GALNT1: variants seen among roughly 807,000 people sequenced by gnomAD.
The protein encoded by GALNT1 is polypeptide N-acetylgalactosaminyltransferase 1.
In GALNT1, 17 loss-of-function variants were observed where a neutral mutation model predicts 65.7. The ratio of observed to expected loss-of-function variants is 0.26; its 90% CI spans 0.18 to 0.39. The LOEUF (loss-of-function observed/expected upper bound fraction) is 0.39, where lower values mean the gene tolerates loss of function less well. GALNT1 is among the 10% of genes least tolerant of loss of function. GALNT1 has a pLI of 1.00. For synonymous variants in GALNT1, 210 were observed against 219.7 expected (o/e 0.96, Z 0.39); for missense variants, 460 against 672.8 (o/e 0.68, Z 3.50).
chr18:35,632,716 A>C (rs1244975472), intron 1 of GALNT1, among the ~76,000 whole-genome samples: 2 of 152,216 alleles, frequency 1.3e-5, no homozygotes, highest in Non-Finnish European at 2.9e-5. Context: ...TCATTAAACT[A>C]AAGAGCTTCT....
At chr18:35,630,223 T>C (rs1413351609) in intron 1 of GALNT1, among the ~76,000 whole-genome samples, 7 of 151,948 alleles carry the variant, frequency 4.6e-5, no homozygotes, top group Admixed American at 6.6e-5. Flanking sequence ...TCTACAAAAC[T>C]CTCCACCCCA....
At chr18:35,674,799 C>T (rs540563722) in intron 3 of GALNT1, among the ~76,000 whole-genome samples, 2 of 151,910 alleles carry the variant, frequency 1.3e-5, no homozygotes, top group South Asian at 4.2e-4. Context: ...CTGGCTAACA[C>T]GGTGAAACCC....
intron 5 of GALNT1, among the ~76,000 whole-genome samples, chr18:35,686,755 T>C (rs756640404): frequency 6.6e-5 from 10 of 152,110 alleles, no homozygotes; most frequent in Non-Finnish European, 1.2e-4. Context: ...ATTTTTTTAA[T>C]TAGTTGAGTG....
chr18:35,601,664 T>C lies in GALNT1; in HGVS notation c.-104+19802T>C, dbSNP rs185958952. On this transcript the variant is annotated intron_variant, in intron 1 of 11. Transcript: ENST00000269195. ...TCACGGTCAGAAAAGATACTTGATA[T>C]AATTTTGACAGATTTGAATTTGTTG... 1.5e-4 allele frequency among the ~76,000 whole-genome samples: 23 copies of C among 152,354 alleles called. No homozygotes were observed. In the East Asian group the frequency reaches 4.4e-3, roughly 29 times the overall value.
chr18:35,637,598 A>G (rs1162722782), intron 1 of GALNT1, among the ~76,000 whole-genome samples: 1 of 152,238 alleles, frequency 6.6e-6, no homozygotes, highest in Non-Finnish European at 1.5e-5. Context: ...TTAAGGAAAC[A>G]AGCCATCTCC....
Position 35,661,315 on chromosome 18 carries a change from A to G in GALNT1, c.140-2313A>G, listed in dbSNP as rs564204041. The stretch of plus-strand genomic sequence containing the variant: ...GAAGTTCAAGACCAGCCTGGCCAAC[A>G]TGGTGAAACCCCATTTCTACTGAAA... On this transcript the variant is annotated intron_variant, in intron 2 of 11. Transcript: ENST00000269195. Among the ~76,000 whole-genome samples the G allele has an allele frequency of 7.9e-5, 12 of 152,228 alleles. No individual in the cohort carries two copies. The South Asian group carries it at 2.5e-3, about 32-fold the overall frequency.
intron 1 of GALNT1, among the ~76,000 whole-genome samples, chr18:35,633,993 A>G (rs2047056644): frequency 6.6e-6 from 1 of 152,148 alleles, no homozygotes; most frequent in Admixed American, 6.5e-5. Flanking sequence ...ACAGGATGAA[A>G]GTTTGTCTGT....
chr18:35,701,306 G>A (rs2048159548), intron 9 of GALNT1, among the ~76,000 whole-genome samples: 1 of 152,152 alleles, frequency 6.6e-6, no homozygotes, highest in Admixed American at 6.5e-5. Context: ...AGGCTCAGGC[G>A]ATCCTACTGT....
chr18:35,625,118 A>G (rs563422220), intron 1 of GALNT1, among the ~76,000 whole-genome samples: 1 of 152,340 alleles, frequency 6.6e-6, no homozygotes, highest in African/African-American at 2.4e-5. Flanking sequence ...CTCTCTTCAG[A>G]CATTTCATAA....
At chr18:35,619,490 T>C (rs1652542759) in intron 1 of GALNT1, among the ~76,000 whole-genome samples, 1 of 152,118 alleles carries the variant, frequency 6.6e-6, no homozygotes, top group South Asian at 2.1e-4. Context: ...GATCCAGTTA[T>C]ACAGGAGGAA....
intron 1 of GALNT1, among the ~76,000 whole-genome samples, chr18:35,631,275 A>G (rs2047004418): frequency 6.6e-6 from 1 of 152,218 alleles, no homozygotes; most frequent in Non-Finnish European, 1.5e-5. Flanking sequence ...TTAGACCAAT[A>G]TCCCTGATGA....
At chr18:35,593,848 A>G (rs540212133) in intron 1 of GALNT1, among the ~76,000 whole-genome samples, 101 of 152,036 alleles carry the variant, frequency 6.6e-4, no homozygotes, top group Non-Finnish European at 9.7e-4. Context: ...AGCTGGGACT[A>G]CAGGCACGTG....
Position 35,606,827 on chromosome 18 carries a change from G to C in GALNT1, c.-104+24965G>C, listed in dbSNP as rs1236085339. Among the ~76,000 whole-genome samples the C allele has an allele frequency of 2.0e-4, 8 of 40,958 alleles. No individual in the cohort carries two copies. In the East Asian group the frequency reaches 2.7e-3, roughly 14 times the overall value. 26.9% of individuals were successfully genotyped at this position (40,958 alleles called of 152,430 possible). ...AGATCTCTTTGTTGATGTTTTGTGT[G>C]TGTGTGTGTGTGTGTGTGTGTGTGT... On this transcript the variant is annotated intron_variant, in intron 1 of 11. Transcript: ENST00000269195.
At chr18:35,634,200 A>C (rs1372048571) in intron 1 of GALNT1, among the ~76,000 whole-genome samples, 2 of 152,212 alleles carry the variant, frequency 1.3e-5, no homozygotes, top group East Asian at 3.8e-4. Flanking sequence ...TGGGGCTATA[A>C]GGAAAATATG....
At chr18:35,605,046 T>C (rs1322847113) in intron 1 of GALNT1, among the ~76,000 whole-genome samples, 1 of 152,162 alleles carries the variant, frequency 6.6e-6, no homozygotes, top group African/African-American at 2.4e-5. Flanking sequence ...CCATGCAAAA[T>C]ATCTGGTTAA....
At chr18:35,636,249 T>C (rs1024399790) in intron 1 of GALNT1, among the ~76,000 whole-genome samples, 1 of 152,104 alleles carries the variant, frequency 6.6e-6, no homozygotes, top group Non-Finnish European at 1.5e-5. Flanking sequence ...CCAGGACAAA[T>C]AGAGTATAGA....
At chr18:35,617,157 C>G in intron 1 of GALNT1, among the ~76,000 whole-genome samples, 1 of 152,078 alleles carries the variant, frequency 6.6e-6, no homozygotes, top group Non-Finnish European at 1.5e-5. Context: ...TTCTCTCACA[C>G]CACCAAGAAT....
chr18:35,704,054 C>G (rs1247314615), intron 11 of GALNT1, among the ~76,000 whole-genome samples: 3 of 152,152 alleles, frequency 2.0e-5, no homozygotes, highest in African/African-American at 7.2e-5. Context: ...TATGACAGAA[C>G]CTTTCCTATT....
chr18:35,637,678 A>T (rs1037546783), intron 1 of GALNT1, among the ~76,000 whole-genome samples: 10 of 152,242 alleles, frequency 6.6e-5, no homozygotes, highest in Admixed American at 4.6e-4. Flanking sequence ...AAGACCGTTG[A>T]TGAAGGTGGC....
Sources: gnomAD v4.1 joint callset for allele counts (sites outside exome capture counted in the v4.1 genomes callset) on GRCh38, gnomAD v4.1.1 for gene constraint, MANE v1.5 for transcripts, NCBI Gene and HGNC (gene_info 2026-07-23, HGNC 2026-07-21) for gene names.